FOCAD: variants seen among roughly 807,000 people sequenced by gnomAD.
FOCAD encodes the protein KIAA1797.
A neutral mutation model predicts 225.6 loss-of-function variants in FOCAD; 198 were observed. The observed-to-expected ratio is 0.88, with a 90% CI of 0.78 to 0.99. FOCAD has a LOEUF of 0.99. FOCAD is among the 50% of genes least tolerant of loss of function. The pLI is 0.00. For missense variants in FOCAD, 2,713 were observed against 2,123.6 expected (o/e 1.28, Z -5.46); for synonymous variants, 897 against 755.0 (o/e 1.19, Z -3.08).
chr9:20,967,685 G>A (rs142652650), intron 35 of FOCAD, among the ~76,000 whole-genome samples: 65 of 151,998 alleles, frequency 4.3e-4, no homozygotes, highest in Middle Eastern at 3.4e-3. Context: ...GTTTTTTATC[G>A]GAAAAGGGTG....
At chr9:20,744,387 G>T (rs1189517793) in intron 5 of FOCAD, among the ~76,000 whole-genome samples, 2 of 152,196 alleles carry the variant, frequency 1.3e-5, no homozygotes, top group African/African-American at 4.8e-5. Context: ...TGCTTAACTG[G>T]ACCCTCCTTT....
At chr9:20,746,809 T>A (rs1828071959) in intron 5 of FOCAD, among the ~76,000 whole-genome samples, 1 of 152,222 alleles carries the variant, frequency 6.6e-6, no homozygotes, top group Non-Finnish European at 1.5e-5. Context: ...TAGGATCTAG[T>A]TTAGGATCAC....
At chr9:20,697,320 G>C (rs1823458931) in intron 1 of FOCAD, among the ~76,000 whole-genome samples, 1 of 152,068 alleles carries the variant, frequency 6.6e-6, no homozygotes, top group South Asian at 2.1e-4. Context: ...AAGCCACAAT[G>C]ATCTTTTTAA....
intron 24 of FOCAD, among the ~76,000 whole-genome samples, chr9:20,919,740 G>T (rs9407967): frequency 3.3e-5 from 5 of 151,886 alleles, no homozygotes; most frequent in African/African-American, 1.2e-4. Flanking sequence ...AAATGGTGCT[G>T]GGAAAACTGG....
Position 20,713,769 on chromosome 9 carries a change from T to C in FOCAD, c.-32-1553T>C, listed in dbSNP as rs528945883. ...CCGCATAGAATCTTTCTTTCACCCA[T>C]GGAGATATTTTTTTCCTGTGTTTCC... On this transcript the variant is annotated intron_variant, in intron 1 of 43. Transcript: ENST00000338382. Among the ~76,000 whole-genome samples, 7 of 152,302 alleles carry C rather than the reference T, an allele frequency of 4.6e-5. No homozygotes were observed. The East Asian group carries it at 1.2e-3, about 25-fold the overall frequency.
At chr9:20,941,131 G>A (rs1254517696) in intron 28 of FOCAD, among the ~76,000 whole-genome samples, 2 of 152,174 alleles carry the variant, frequency 1.3e-5, no homozygotes, top group Non-Finnish European at 2.9e-5. Flanking sequence ...AGATGCGGGA[G>A]TGTACTCCCT....
At chr9:20,666,020 G>T (rs1320573972) in intron 2 of FOCAD, among the ~76,000 whole-genome samples, 2 of 152,144 alleles carry the variant, frequency 1.3e-5, no homozygotes, top group South Asian at 2.1e-4. Context: ...TCAGCCTCCC[G>T]AGTAGCTGGG....
At chr9:20,912,126 A>G (rs1833488101) in intron 22 of FOCAD, among the ~76,000 whole-genome samples, 1 of 152,112 alleles carries the variant, frequency 6.6e-6, no homozygotes, top group Non-Finnish European at 1.5e-5. Context: ...ATGGTTGGGC[A>G]TTACACTGCT....
intron 15 of FOCAD, among the ~76,000 whole-genome samples, chr9:20,833,392 A>G (rs963385365): frequency 6.6e-6 from 1 of 152,046 alleles, no homozygotes; most frequent in African/African-American, 2.4e-5. Flanking sequence ...CTTATGGCTT[A>G]TTTTCTTTGA....
intron 24 of FOCAD, among the ~76,000 whole-genome samples, chr9:20,922,175 A>T (rs1564155563): frequency 6.6e-6 from 1 of 152,210 alleles, no homozygotes; most frequent in South Asian, 2.1e-4. Context: ...CTTATTAGCT[A>T]TATGAGTGCT....
intron 2 of FOCAD, among the ~76,000 whole-genome samples, chr9:20,716,696 C>G (rs898502743): frequency 6.6e-6 from 1 of 152,124 alleles, no homozygotes; most frequent in African/African-American, 2.4e-5. Flanking sequence ...GATGTTAGCA[C>G]CATATTTCTT....
At chr9:20,804,868 G>T (rs1822246372) in intron 11 of FOCAD, among the ~76,000 whole-genome samples, 1 of 151,288 alleles carries the variant, frequency 6.6e-6, no homozygotes, top group East Asian at 1.9e-4. Context: ...GTGGCGGGGG[G>T]TGGGGGTCAC....
At chr9:20,940,838 A>AT (rs1185950776) in intron 28 of FOCAD, among the ~76,000 whole-genome samples, 3 of 152,136 alleles carry the variant, frequency 2.0e-5, no homozygotes, top group African/African-American at 7.2e-5. Context: ...CTTCAAAGCC[A>AT]TTTTTCTTTC....
intron 4 of FOCAD, among the ~76,000 whole-genome samples, chr9:20,727,506 A>G (rs1328346133): frequency 1.3e-5 from 2 of 152,212 alleles, no homozygotes; most frequent in Non-Finnish European, 2.9e-5. Flanking sequence ...GCTCAGTAAC[A>G]TTACATCTCT....
At chr9:20,665,104 G>A (rs1479827522) in intron 2 of FOCAD, among the ~76,000 whole-genome samples, 2 of 152,074 alleles carry the variant, frequency 1.3e-5, no homozygotes, top group Non-Finnish European at 2.9e-5. Flanking sequence ...AGATTAAGTA[G>A]GCATGTTGAT....
In FOCAD at chr9:20,951,112, C is replaced by T. The variant is rs1837648797; in HGVS notation, c.4051+14C>T. 6.3e-7 allele frequency: 1 copy of T among 1,594,056 alleles called. No homozygotes were observed. Among genetic ancestry groups the T allele is most frequent in the Non-Finnish European group, 8.6e-7 (1 of 1,162,072 alleles). Reference sequence around the variant, plus strand: ...GTAGAGCCTCTGGTAAGATTAAAGTCATAAAATACTGGAGCTGGAAGGGAG... The same window carrying T: ...GTAGAGCCTCTGGTAAGATTAAAGTTATAAAATACTGGAGCTGGAAGGGAG... On this transcript the variant is annotated intron_variant, in intron 34 of 43. Transcript: ENST00000338382.
intron 5 of FOCAD, among the ~76,000 whole-genome samples, chr9:20,756,026 A>G (rs1829013473): frequency 6.6e-6 from 1 of 152,190 alleles, no homozygotes; most frequent in Admixed American, 6.5e-5. Flanking sequence ...CTGATACTAC[A>G]TACCTGAGAG....
intron 8 of FOCAD, among the ~76,000 whole-genome samples, chr9:20,776,367 G>A (rs1286134128): frequency 1.3e-5 from 2 of 152,228 alleles, no homozygotes; most frequent in East Asian, 3.8e-4. Context: ...CACAGCAGTA[G>A]CTGTAGCATT....
intron 28 of FOCAD, among the ~76,000 whole-genome samples, chr9:20,937,303 G>A (rs1298795464): frequency 8.6e-5 from 13 of 150,608 alleles, no homozygotes; most frequent in African/African-American, 3.1e-4. Context: ...AAAGCTGGAG[G>A]CATCACGCTA....
Sources: allele counts gnomAD v4.1 joint callset (sites outside exome capture counted in the v4.1 genomes callset), GRCh38; gene constraint gnomAD v4.1.1; transcripts MANE v1.5; gene names NCBI Gene and HGNC (gene_info 2026-07-23, HGNC 2026-07-21).